The following DCLK3 variants were observed in gnomAD, a reference collection of about 807,000 sequenced individuals.
The protein encoded by DCLK3 is doublecortin like kinase 3, also known as serine/threonine-protein kinase DCLK3.
A neutral mutation model predicts 46.4 loss-of-function variants in DCLK3; 30 were observed. The observed-to-expected ratio is 0.65, with a 90% CI of 0.48 to 0.88. DCLK3 has a LOEUF of 0.88. DCLK3 is among the 40% of genes least tolerant of loss of function. DCLK3 has a pLI of 0.00. For synonymous variants in DCLK3, 401 were observed against 339.2 expected, an observed-to-expected ratio of 1.18 and a Z score of -2.00; for missense variants, 846 against 907.1, an observed-to-expected ratio of 0.93 and a Z score of 0.87.
At chr3:36,744,966 G>C (rs1047417158) in intron 1 of DCLK3, among the ~76,000 whole-genome samples, 1 of 152,162 alleles carries the variant, frequency 6.6e-6, no homozygotes, top group African/African-American at 2.4e-5. Flanking sequence ...GCCTCTAATA[G>C]GTTTGATGCT....
chr3:36,715,250 T>C lies in DCLK3; in HGVS notation c.*78A>G, dbSNP rs138738623. 55 of 1,512,988 alleles carry C rather than the reference T, an allele frequency of 3.6e-5. No homozygotes were observed. The East Asian group carries it at 4.5e-4, about 12-fold the overall frequency. The allele number at this position is 1,512,988 out of a possible 1,614,324, so 93.7% of individuals were successfully genotyped here. On this transcript the variant is annotated 3_prime_UTR_variant, in exon 5 of 5. Transcript: ENST00000636136. ...CAATTATGTGAAGAAGCCTCTTTCATTGTTTTTCTCTCAAACTTCTATCCT... is the reference window on the plus strand; with the variant it reads ...CAATTATGTGAAGAAGCCTCTTTCACTGTTTTTCTCTCAAACTTCTATCCT...
chr3:36,729,245 GTGT>G lies in DCLK3; in HGVS notation c.1960-7589_1960-7587del, dbSNP rs745420384. ...CAGGGTTTTCCCGGGTTGTGTGTGT[GTGT>G]GGGGGGGGGGGGTACAAAAGCCCCC... On this transcript the variant is annotated intron_variant, in intron 2 of 4. Transcript: ENST00000636136. 1.9e-3 allele frequency among the ~76,000 whole-genome samples: 117 copies of G among 63,124 alleles called. 5 individuals are homozygous for G. Among genetic ancestry groups the G allele is most frequent in the African/African-American group, 4.4e-3 (81 of 18,616 alleles). 41.4% of individuals were successfully genotyped at this position (63,124 alleles called of 152,430 possible).
chr3:36,717,932 A>C, intron 4 of DCLK3, 78 bp downstream of exon 4: 1 of 1,567,708 alleles, frequency 6.4e-7, no homozygotes, highest in South Asian at 1.2e-5. Flanking sequence ...TGCACCAGGC[A>C]CAGTGGTGGG....
intron 1 of DCLK3, among the ~76,000 whole-genome samples, chr3:36,758,077 A>G (rs1350717415): frequency 6.6e-6 from 1 of 152,160 alleles, no homozygotes; most frequent in Non-Finnish European, 1.5e-5. Flanking sequence ...TCTCTGAACC[A>G]TAAAGCTGGT....
chr3:36,720,231 C>T (rs1367536646), intron 3 of DCLK3, among the ~76,000 whole-genome samples: 1 of 152,194 alleles, frequency 6.6e-6, no homozygotes, highest in African/African-American at 2.4e-5. Context: ...CACCATGTAA[C>T]ATGCCGGTTC....
rs115354077 is a variant in DCLK3, at chr3:36,728,509, G to T, written c.1960-6850C>A. Among the ~76,000 whole-genome samples the T allele has an allele frequency of 1.0e-2, 1,520 of 152,168 alleles. 28 individuals carry two copies. The highest frequency in any genetic ancestry group is 0.035 in the African/African-American group (1,452 of 41,514). On this transcript the variant is annotated intron_variant, in intron 2 of 4. Coordinates refer to ENST00000636136, the MANE Select transcript of DCLK3 (RefSeq NM_001394672.2). ...TGGATAGAACGAAAGTAGGGAAAAGGCAATTGGTGTCTCTCTGTCTCTCTC... is the reference window on the plus strand; with the variant it reads ...TGGATAGAACGAAAGTAGGGAAAAGTCAATTGGTGTCTCTCTGTCTCTCTC...
At chr3:36,722,576 A>G (rs1701075764) in intron 2 of DCLK3, among the ~76,000 whole-genome samples, 1 of 152,196 alleles carries the variant, frequency 6.6e-6, no homozygotes, top group African/African-American at 2.4e-5. Context: ...CACAATTCCC[A>G]CATGTTGTGA....
In DCLK3 at chr3:36,712,659, C is replaced by T. The variant is rs1700924670; in HGVS notation, c.*2669G>A. On this transcript the variant is annotated 3_prime_UTR_variant, in exon 5 of 5. Transcript: ENST00000636136. ...TGATCACTTTCTGTCACTATAGATT[C>T]ACTTGTATTTTCTGGAATAGTATGT... 1 of 152,192 alleles carries T rather than the reference C, an allele frequency of 6.6e-6. No homozygotes were observed. Among genetic ancestry groups the T allele is most frequent in the Non-Finnish European group, 1.5e-5 (1 of 68,028 alleles). 9.4% of individuals were successfully genotyped at this position (152,192 alleles called of 1,614,324 possible).
intron 2 of DCLK3, among the ~76,000 whole-genome samples, chr3:36,733,555 C>T (rs1472407020): frequency 6.6e-6 from 1 of 152,180 alleles, no homozygotes; most frequent in Non-Finnish European, 1.5e-5. Flanking sequence ...TACTCCAGCT[C>T]CTGTTTGCTT....
Position 36,738,129 on chromosome 3 carries a change from C to A in DCLK3, c.1038G>T (p.Leu346=). Residue 346 remains leucine, a synonymous_variant, in exon 2 of 5, where the codon CTG becomes CTT. Transcript: ENST00000636136. ...ACCTCCTGCAGCTTCTGGTCCTCAC[C>A]AGCTTCTCCACATCATACATTGGGC... The part of the protein sequence containing the change: ...GKGPMYDVEK[L]VRTRSCRRSP... 1.2e-6 allele frequency: 2 copies of A among 1,614,052 alleles called. No homozygotes were observed. The highest frequency in any genetic ancestry group is 3.3e-4 in the Middle Eastern group (2 of 6,062).
At chr3:36,735,626 C>T (rs1575140965) in intron 2 of DCLK3, among the ~76,000 whole-genome samples, 1 of 152,216 alleles carries the variant, frequency 6.6e-6, no homozygotes, top group East Asian at 1.9e-4. Flanking sequence ...ATCCCTTCCC[C>T]CACCTTCCCA....
chr3:36,738,698 C>T lies in DCLK3; in HGVS notation c.469G>A (p.Val157Ile), dbSNP rs570457736. 85 of 1,323,460 alleles carry T rather than the reference C, an allele frequency of 6.4e-5. No homozygotes were observed. Among genetic ancestry groups the T allele is most frequent in the East Asian group, 2.5e-4 (9 of 35,752 alleles). 82.0% of individuals were successfully genotyped at this position (1,323,460 alleles called of 1,614,324 possible). Residue 157 changes from valine (V) to isoleucine (I), a missense_variant, in exon 2 of 5, where the codon GTC (valine) becomes ATC (isoleucine). By Grantham distance (29) the Val-to-Ile change is conservative. Transcript: ENST00000636136. ...FNLKGREIRS[V>I]SDFFREGDAF... is the part of the protein sequence containing the mutation. ...TCCCCTTCCCTGAAGAAATCAGAGA[C>T]GCTCCTGATTTCCCTGCCCTTGAGG...
chr3:36,726,669 G>A (rs1701128853), intron 2 of DCLK3, among the ~76,000 whole-genome samples: 1 of 152,132 alleles, frequency 6.6e-6, no homozygotes, highest in Non-Finnish European at 1.5e-5. Flanking sequence ...TCCATAAGCA[G>A]CATGTGTCTT....
chr3:36,747,919 G>A (rs1042913504), intron 1 of DCLK3, among the ~76,000 whole-genome samples: 1 of 152,180 alleles, frequency 6.6e-6, no homozygotes, highest in Non-Finnish European at 1.5e-5. Flanking sequence ...GTGGTGTGAT[G>A]CACGTTTGCT....
intron 1 of DCLK3, among the ~76,000 whole-genome samples, chr3:36,751,400 G>A (rs1457848407): frequency 6.6e-6 from 1 of 152,216 alleles, no homozygotes; most frequent in East Asian, 1.9e-4. Context: ...TGTAAAGATT[G>A]TAATGAGATG....
intron 1 of DCLK3, among the ~76,000 whole-genome samples, chr3:36,755,240 C>T (rs985042689): frequency 2.6e-5 from 4 of 151,998 alleles, no homozygotes; most frequent in Non-Finnish European, 4.4e-5. Flanking sequence ...AGGTTTTGTG[C>T]AACTGAAACA....
intron 1 of DCLK3, among the ~76,000 whole-genome samples, chr3:36,753,677 A>AT (rs1362415085): frequency 6.6e-6 from 1 of 151,990 alleles, no homozygotes; most frequent in Non-Finnish European, 1.5e-5. Context: ...ATTTTATTTT[A>AT]TTTATTTATT....
chr3:36,731,660 T>A (rs998506006), intron 2 of DCLK3, among the ~76,000 whole-genome samples: 1 of 152,190 alleles, frequency 6.6e-6, no homozygotes, highest in African/African-American at 2.4e-5. Context: ...GTCTTCTCTT[T>A]CCTCATCCAC....
chr3:36,753,792 C>A (rs904215959), intron 1 of DCLK3, among the ~76,000 whole-genome samples: 2 of 152,182 alleles, frequency 1.3e-5, no homozygotes, highest in Middle Eastern at 3.2e-3. Flanking sequence ...ACCTCTGCCT[C>A]CCAAGTGGCT....
Sources: gnomAD v4.1 joint callset for allele counts (sites outside exome capture counted in the v4.1 genomes callset) on GRCh38, gnomAD v4.1.1 for gene constraint, MANE v1.5 for transcripts, NCBI Gene and HGNC (gene_info 2026-07-23, HGNC 2026-07-21) for gene names.